RARB: variants seen among roughly 807,000 people sequenced by gnomAD.
RARB encodes the protein retinoic acid receptor beta, also known as HBV-activated protein.
Under a neutral mutation model 51.9 loss-of-function variants are expected in RARB, and 17 were observed. The observed-to-expected ratio is 0.33, with a 90% CI of 0.22 to 0.49. The LOEUF is 0.49. Among genes scored for constraint, RARB ranks in the 20% least tolerant of loss-of-function variants. The pLI is 0.99. For missense variants in RARB, 369 were observed against 550.8 expected (o/e 0.67, Z 3.30); for synonymous variants, 215 against 195.4 (o/e 1.10, Z -0.84).
At chr3:25,201,643 GT>G (rs1486021091) in intron 5 of RARB, among the ~76,000 whole-genome samples, 4 of 152,106 alleles carry the variant, frequency 2.6e-5, no homozygotes, top group Admixed American at 1.3e-4. Context: ...AGCATGAAGC[GT>G]TGTTGAGTTT....
At chr3:24,873,405 A>G (rs1226340868) in intron 2 of RARB, among the ~76,000 whole-genome samples, 1 of 152,068 alleles carries the variant, frequency 6.6e-6, no homozygotes, top group Non-Finnish European at 1.5e-5. Flanking sequence ...GTTAACAATT[A>G]TCTTTTTAAA....
intron 3 of RARB, among the ~76,000 whole-genome samples, chr3:25,505,686 T>C (rs1270053171): frequency 6.6e-6 from 1 of 152,098 alleles, no homozygotes; most frequent in East Asian, 1.9e-4. Flanking sequence ...AAAACTCGAT[T>C]TTTAGCAGCA....
At chr3:25,115,282 A>G (rs1471694914) in intron 3 of RARB, among the ~76,000 whole-genome samples, 2 of 152,218 alleles carry the variant, frequency 1.3e-5, no homozygotes, top group East Asian at 1.9e-4. Context: ...ATATTTAAAA[A>G]GCATCGTGTT....
intron 5 of RARB, among the ~76,000 whole-genome samples, chr3:25,241,549 A>C (rs1375837557): frequency 6.6e-6 from 1 of 152,184 alleles, no homozygotes; most frequent in Non-Finnish European, 1.5e-5. Context: ...CCTACCTATG[A>C]ATGAGAACAT....
At chr3:25,103,655 C>T (rs1363652328) in intron 3 of RARB, among the ~76,000 whole-genome samples, 1 of 152,192 alleles carries the variant, frequency 6.6e-6, no homozygotes, top group Admixed American at 6.5e-5. Context: ...CTCAGCTAAT[C>T]CTCACAGCTA....
intron 5 of RARB, among the ~76,000 whole-genome samples, chr3:25,361,829 T>C (rs1183525675): frequency 6.6e-6 from 1 of 152,204 alleles, no homozygotes; most frequent in African/African-American, 2.4e-5. Flanking sequence ...CAGCAAAGAT[T>C]GCTGCTTTCT....
intron 1 of RARB, among the ~76,000 whole-genome samples, chr3:25,452,704 A>G (rs1709247734): frequency 6.6e-6 from 1 of 152,146 alleles, no homozygotes; most frequent in Admixed American, 6.6e-5. Flanking sequence ...ATATTAAGTC[A>G]TTTACATCTC....
At chr3:25,089,120 AG>A (rs1368240599) in intron 3 of RARB, among the ~76,000 whole-genome samples, 4 of 152,038 alleles carry the variant, frequency 2.6e-5, no homozygotes, top group Non-Finnish European at 5.9e-5. Flanking sequence ...CTCAAGGGTT[AG>A]AAATAATAGA....
At chr3:25,252,853 A>T (rs1702762500) in intron 5 of RARB, among the ~76,000 whole-genome samples, 1 of 152,188 alleles carries the variant, frequency 6.6e-6, no homozygotes, top group South Asian at 2.1e-4. Context: ...AGTGTGAGTC[A>T]TGACTTATGG....
intron 2 of RARB, among the ~76,000 whole-genome samples, chr3:24,874,109 A>G (rs1275400803): frequency 1.3e-5 from 2 of 152,062 alleles, no homozygotes; most frequent in African/African-American, 4.8e-5. Context: ...ACTACTCCAT[A>G]GGAACTTGAG....
At chr3:25,190,712 A>G (rs9861594) in intron 5 of RARB, among the ~76,000 whole-genome samples, 3,266 of 152,238 alleles carry the variant, frequency 0.021, 110 homozygotes, top group African/African-American at 0.075. Context: ...CTCAAAGAGA[A>G]AGGGTCTCCT....
At chr3:25,226,508 T>C (rs1429595870) in intron 5 of RARB, among the ~76,000 whole-genome samples, 1 of 152,192 alleles carries the variant, frequency 6.6e-6, no homozygotes, top group Non-Finnish European at 1.5e-5. Context: ...ACACGTTTTC[T>C]TGTTTTCTGA....
At position 25,593,230 on chromosome 3, in the gene RARB, GTTTA is replaced by G. The variant is rs1003596488; in HGVS notation, c.787-269_787-266del. On this transcript the variant is annotated intron_variant, in intron 5 of 7. Transcript: ENST00000330688. ...GGACATAATTAGGCACTCAGTAAAT[GTTTA>G]TTTGAGTCAAGTAATGAATTACTTT... Among the ~76,000 whole-genome samples the G allele has an allele frequency of 7.3e-5, 11 of 151,402 alleles. 1 individual carries two copies. The highest frequency in any genetic ancestry group is 1.0e-4 in the Non-Finnish European group (7 of 67,914).
At chr3:24,898,050 G>T (rs1377915501) in intron 2 of RARB, among the ~76,000 whole-genome samples, 2 of 152,058 alleles carry the variant, frequency 1.3e-5, no homozygotes, top group East Asian at 3.9e-4. Flanking sequence ...GGTTTATTTG[G>T]CATTCTGTGA....
chr3:25,342,554 A>G (rs1705261325), intron 5 of RARB, among the ~76,000 whole-genome samples: 1 of 152,186 alleles, frequency 6.6e-6, no homozygotes, highest in South Asian at 2.1e-4. Flanking sequence ...TAAAAAGGAG[A>G]GGCAAAACAA....
chr3:24,863,778 A>G (rs912744541), intron 2 of RARB, among the ~76,000 whole-genome samples: 61 of 151,758 alleles, frequency 4.0e-4, no homozygotes, highest in African/African-American at 1.4e-3. Flanking sequence ...ACACTTTTCT[A>G]ATCTTATTTG....
chr3:25,006,956 A>C (rs1299102446), intron 2 of RARB, among the ~76,000 whole-genome samples: 1 of 152,178 alleles, frequency 6.6e-6, no homozygotes, highest in Non-Finnish European at 1.5e-5. Context: ...TTTTGTAATA[A>C]TCCACAGTAT....
intron 2 of RARB, among the ~76,000 whole-genome samples, chr3:25,017,167 T>C (rs976007277): frequency 4.6e-5 from 7 of 152,086 alleles, no homozygotes; most frequent in Admixed American, 1.3e-4. Context: ...ACTTTCCTTA[T>C]CAATGTTTGG....
intron 1 of RARB, among the ~76,000 whole-genome samples, chr3:25,453,820 G>A (rs889676667): frequency 3.9e-5 from 6 of 152,258 alleles, no homozygotes; most frequent in Non-Finnish European, 7.4e-5. Flanking sequence ...GACTGCCAAA[G>A]CCCAACAATG....
Sources: gnomAD v4.1 joint callset for allele counts (sites outside exome capture counted in the v4.1 genomes callset) on GRCh38, gnomAD v4.1.1 for gene constraint, MANE v1.5 for transcripts, NCBI Gene and HGNC (gene_info 2026-07-23, HGNC 2026-07-21) for gene names.